PTCHD4: variants seen among roughly 807,000 people sequenced by gnomAD.
The protein encoded by PTCHD4 is patched domain-containing protein 4.
PTCHD4 carries 33 observed loss-of-function variants against 58.1 expected under a neutral mutation model. The ratio of observed to expected loss-of-function variants is 0.57; its 90% CI spans 0.43 to 0.76. PTCHD4 has a LOEUF of 0.76. Among genes scored for constraint, PTCHD4 ranks in the 30% least tolerant of loss-of-function variants. The pLI is 0.00. For synonymous variants in PTCHD4, 478 were observed against 409.6 expected (o/e 1.17, Z -2.02); for missense variants, 1,058 against 1,027.1 (o/e 1.03, Z -0.41).
intron 4 of PTCHD4, among the ~76,000 whole-genome samples, chr6:47,911,176 G>A (rs551415083): frequency 2.0e-5 from 3 of 152,242 alleles, no homozygotes; most frequent in East Asian, 3.9e-4. Flanking sequence ...TCAAAGGGAA[G>A]CACTAACAGG....
At chr6:48,024,650 G>T (rs892880767) in intron 3 of PTCHD4, among the ~76,000 whole-genome samples, 1 of 152,146 alleles carries the variant, frequency 6.6e-6, no homozygotes, top group Non-Finnish European at 1.5e-5. Flanking sequence ...CCTCGTGTCA[G>T]CACTGCCATC....
At chr6:47,943,204 T>C (rs1216109110) in intron 4 of PTCHD4, among the ~76,000 whole-genome samples, 1 of 152,110 alleles carries the variant, frequency 6.6e-6, no homozygotes, top group African/African-American at 2.4e-5. Flanking sequence ...AATTTGAGAG[T>C]CATATATTTG....
chr6:47,938,146 C>T (rs1766077653), intron 4 of PTCHD4, among the ~76,000 whole-genome samples: 1 of 151,936 alleles, frequency 6.6e-6, no homozygotes, highest in Non-Finnish European at 1.5e-5. Flanking sequence ...GAGAGAGATT[C>T]CCTCTTAAAA....
rs553078192 is a variant in PTCHD4 at position 48,063,682 on chromosome 6, T to C, written c.417+4548A>G. 5.5e-4 allele frequency among the ~76,000 whole-genome samples: 83 copies of C among 152,270 alleles called. No individual in the cohort carries two copies. In the South Asian group the frequency reaches 0.017, roughly 31 times the overall value. On this transcript the variant is annotated intron_variant, in intron 3 of 4. Transcript: ENST00000339488. ...TTGTAAAGATTAAATAGCATGTGTG[T>C]TTGAAACACCTAGCACCATGTAGGA...
intron 4 of PTCHD4, among the ~76,000 whole-genome samples, chr6:48,006,243 G>A (rs570303778): frequency 6.6e-6 from 1 of 152,320 alleles, no homozygotes; most frequent in South Asian, 2.1e-4. Context: ...TGCAAAGTGT[G>A]TGTTGAAGGG....
At chr6:47,884,147 C>A (rs1764109394) in intron 4 of PTCHD4, among the ~76,000 whole-genome samples, 1 of 151,834 alleles carries the variant, frequency 6.6e-6, no homozygotes, top group Admixed American at 6.6e-5. Flanking sequence ...TATGTATCTA[C>A]CCATCTGTTC....
intron 3 of PTCHD4, among the ~76,000 whole-genome samples, chr6:48,043,182 A>G (rs1763906437): frequency 6.6e-6 from 1 of 151,936 alleles, no homozygotes; most frequent in Admixed American, 6.6e-5. Flanking sequence ...GCTAGAAGGT[A>G]TGAACATACC....
chr6:48,008,845 C>T lies in PTCHD4; in HGVS notation c.687G>A (p.Leu229=), dbSNP rs1762564323. 6.2e-7 allele frequency: 1 copy of T among 1,614,002 alleles called. No individual in the cohort carries two copies. Among genetic ancestry groups the T allele is most frequent in the Non-Finnish European group, 8.5e-7 (1 of 1,179,892 alleles). The change falls in exon 4 of 5, where the codon CTG becomes CTA. Residue 229 remains leucine (L), a synonymous_variant. Transcript: ENST00000339488. Reference sequence around the variant, plus strand: ...GGCTCACCAGGACCTTGCTTCTGGCCAGGATGCTGGTCTTATGAAAGTCCC... The same window carrying T: ...GGCTCACCAGGACCTTGCTTCTGGCTAGGATGCTGGTCTTATGAAAGTCCC... The part of the protein sequence containing the change: ...LWRDFHKTSI[L]ARSKVLVSLV...
intron 4 of PTCHD4, among the ~76,000 whole-genome samples, chr6:47,966,881 A>C (rs1026593761): frequency 3.9e-5 from 6 of 152,124 alleles, no homozygotes; most frequent in African/African-American, 1.4e-4. Flanking sequence ...TTTCCACCAC[A>C]TCTAGAGTTG....
At chr6:48,018,197 G>A (rs1205622490) in intron 3 of PTCHD4, among the ~76,000 whole-genome samples, 1 of 152,168 alleles carries the variant, frequency 6.6e-6, no homozygotes, top group African/African-American at 2.4e-5. Context: ...AAGACTCCTG[G>A]TTTCAAGTTC....
At chr6:48,080,709 T>C (rs1317008767) in intron 1 of PTCHD4, among the ~76,000 whole-genome samples, 1 of 152,212 alleles carries the variant, frequency 6.6e-6, no homozygotes, top group Non-Finnish European at 1.5e-5. Flanking sequence ...AGTATAAATG[T>C]CACTAAGGAT....
intron 1 of PTCHD4, among the ~76,000 whole-genome samples, chr6:48,084,256 T>C (rs2113896261): frequency 6.6e-6 from 1 of 152,350 alleles, no homozygotes; most frequent in South Asian, 2.1e-4. Flanking sequence ...AATCTCTGTA[T>C]TCTACTGGAT....
Position 47,879,407 on chromosome 6 carries a change from G to A in PTCHD4, c.1428C>T (p.Phe476=). ...ILYLIYASFS[F]MGCLQISDGA... The stretch of plus-strand genomic sequence containing the variant: ...CGTCACTGATCTGTAAGCACCCCAT[G>A]AAGGAGAAGGAGGCATAAATGAGAT... The change falls in exon 5 of 5, where the codon TTC becomes TTT. Residue 476 remains phenylalanine (F), a synonymous_variant. Coordinates refer to ENST00000339488, the MANE Select transcript of PTCHD4 (RefSeq NM_001384253.1). 1 of 1,613,670 alleles carries A rather than the reference G, an allele frequency of 6.2e-7. No homozygotes were observed. The highest frequency in any genetic ancestry group is 2.2e-5 in the East Asian group (1 of 44,852).
At chr6:48,073,527 C>T (rs192410574) in intron 1 of PTCHD4, among the ~76,000 whole-genome samples, 123 of 152,324 alleles carry the variant, frequency 8.1e-4, no homozygotes, top group African/African-American at 2.8e-3. Context: ...TCTAACCATT[C>T]TAACATGCTA....
chr6:48,103,595 A>G (rs1379839576), intron 1 of PTCHD4, among the ~76,000 whole-genome samples: 1 of 152,188 alleles, frequency 6.6e-6, no homozygotes, highest in East Asian at 1.9e-4. Flanking sequence ...ACAAAGCTGG[A>G]TGGAGAATGA....
intron 4 of PTCHD4, among the ~76,000 whole-genome samples, chr6:47,959,823 C>A (rs368957077): frequency 6.9e-6 from 1 of 144,712 alleles, no homozygotes; most frequent in East Asian, 2.0e-4. Context: ...ATATCAAAGA[C>A]GAAGAGGAAA....
chr6:47,892,239 G>A (rs1163431971), intron 4 of PTCHD4, among the ~76,000 whole-genome samples: 1 of 151,880 alleles, frequency 6.6e-6, no homozygotes, highest in Non-Finnish European at 1.5e-5. Flanking sequence ...GGAAGGAATT[G>A]GTAGTTTATA....
chr6:48,070,343 A>C (rs9473224), intron 1 of PTCHD4, among the ~76,000 whole-genome samples: 38,346 of 151,912 alleles, frequency 0.25, 5,077 homozygotes, highest in African/African-American at 0.34. Flanking sequence ...TAGAAAGGGA[A>C]CCATCTATGC....
At chr6:47,988,958 T>C (rs1018047496) in intron 4 of PTCHD4, among the ~76,000 whole-genome samples, 1 of 152,102 alleles carries the variant, frequency 6.6e-6, no homozygotes, top group Admixed American at 6.6e-5. Flanking sequence ...CAAAAGAAGA[T>C]AGGGAAATGT....
Sources: allele counts gnomAD v4.1 joint callset (sites outside exome capture counted in the v4.1 genomes callset), GRCh38; gene constraint gnomAD v4.1.1; transcripts MANE v1.5; gene names NCBI Gene and HGNC (gene_info 2026-07-23, HGNC 2026-07-21).